TBCK: variants seen among roughly 807,000 people sequenced by gnomAD.
TBCK encodes the protein TBC1 domain containing kinase, also known as TBC domain-containing protein kinase-like protein.
Under a neutral mutation model 113.4 loss-of-function variants are expected in TBCK, and 99 were observed. The ratio of observed to expected loss-of-function variants is 0.87; its 90% CI spans 0.74 to 1.03. The LOEUF (loss-of-function observed/expected upper bound fraction) is 1.03, where lower values mean the gene tolerates loss of function less well. Ranked by LOEUF, TBCK falls within the 50% of genes least tolerant of loss-of-function variation. The probability of loss-of-function intolerance (pLI) is 0.00; values close to 1 mark genes in which losing one functional copy is unlikely to be tolerated. For synonymous variants in TBCK, 369 were observed against 370.8 expected, an observed-to-expected ratio of 1.00 and a Z score of 0.05; for missense variants, 1,045 against 1,061.3, an observed-to-expected ratio of 0.98 and a Z score of 0.21.
At chr4:106,224,140 G>A (rs2149960561) in intron 19 of TBCK, among the ~76,000 whole-genome samples, 1 of 151,906 alleles carries the variant, frequency 6.6e-6, no homozygotes, top group Non-Finnish European at 1.5e-5. Context: ...ATATCTGCAG[G>A]TAACAAGTCA....
Position 106,211,311 on chromosome 4 carries a change from C to T in TBCK, c.1860+1439G>A, listed in dbSNP as rs897019059. ...ATTGGATCTATATTGTATTATACCTCACATTTATAATGATATTATACTCCA... is the reference window on the plus strand; with the variant it reads ...ATTGGATCTATATTGTATTATACCTTACATTTATAATGATATTATACTCCA... On this transcript the variant is annotated intron_variant, in intron 20 of 25. Transcript: ENST00000394708. Among the ~76,000 whole-genome samples, 7 of 152,172 alleles carry T rather than the reference C, an allele frequency of 4.6e-5. No individual in the cohort carries two copies. The East Asian group carries it at 1.3e-3, about 29-fold the overall frequency.
chr4:106,226,986 T>C (rs1758316025), intron 19 of TBCK, among the ~76,000 whole-genome samples: 2 of 152,026 alleles, frequency 1.3e-5, no homozygotes, highest in Non-Finnish European at 2.9e-5. Context: ...AGGTAATCTA[T>C]AAGCAAAAAA....
At chr4:106,095,704 T>A in intron 24 of TBCK, 63 bp from the exon 25 acceptor site, 1 of 1,482,354 alleles carries the variant, frequency 6.7e-7, no homozygotes, top group East Asian at 2.3e-5. Context: ...TGAGGGAAAC[T>A]CACAGAGCTA....
At chr4:106,265,411 A>C (rs1762902782) in intron 3 of TBCK, among the ~76,000 whole-genome samples, 1 of 151,942 alleles carries the variant, frequency 6.6e-6, no homozygotes, top group South Asian at 2.1e-4. Context: ...TTATTTTAAG[A>C]TGTACAATTA....
intron 3 of TBCK, among the ~76,000 whole-genome samples, chr4:106,289,069 T>G (rs1765407512): frequency 6.6e-6 from 1 of 152,226 alleles, no homozygotes; most frequent in Admixed American, 6.5e-5. Flanking sequence ...GATAAAGAAT[T>G]ATCAATCTGT....
At chr4:106,137,003 T>TAGAAAAAAAGATATTAAC (rs1746635865) in intron 23 of TBCK, among the ~76,000 whole-genome samples, 1 of 140,976 alleles carries the variant, frequency 7.1e-6, no homozygotes. Flanking sequence ...CATGGTTGAT[T>TAGAAAAAAAGATATTAAC]AGAAAAAAAG....
chr4:106,177,178 C>T (rs548743324), intron 22 of TBCK, among the ~76,000 whole-genome samples: 7 of 151,854 alleles, frequency 4.6e-5, no homozygotes, highest in African/African-American at 1.4e-4. Flanking sequence ...ATCATCTACC[C>T]GTTTTTTAAA....
chr4:106,085,311 T>C (rs959532062), intron 25 of TBCK, among the ~76,000 whole-genome samples: 1 of 144,090 alleles, frequency 6.9e-6, no homozygotes, highest in African/African-American at 2.6e-5. Flanking sequence ...CAAAACGGGT[T>C]GCAATCTTAG....
rs372130940 is a variant in TBCK at position 106,149,129 on chromosome 4, T to A, written c.2235+21966A>T. Among the ~76,000 whole-genome samples the A allele has an allele frequency of 2.1e-3, 323 of 152,284 alleles. 2 individuals carry two copies. Among genetic ancestry groups the A allele is most frequent in the African/African-American group, 6.8e-3 (282 of 41,556 alleles). ...CATGGCCTTACAGAACCAAAGAGAG[T>A]TAGGGCTTTGCTCTGGATTAGGCTT... is the stretch of plus-strand genomic sequence containing the variant. On this transcript the variant is annotated intron_variant, in intron 23 of 25. Transcript: ENST00000394708.
At chr4:106,174,888 C>A (rs905222922) in intron 22 of TBCK, among the ~76,000 whole-genome samples, 12 of 151,952 alleles carry the variant, frequency 7.9e-5, no homozygotes, top group African/African-American at 2.9e-4. Context: ...TTTGGGAGGC[C>A]AAGGTAGGAG....
intron 25 of TBCK, among the ~76,000 whole-genome samples, chr4:106,074,388 A>G (rs1480388502): frequency 6.6e-6 from 1 of 152,266 alleles, no homozygotes; most frequent in Non-Finnish European, 1.5e-5. Flanking sequence ...GTATGTAAAT[A>G]AGTACTAGAA....
At chr4:106,050,158 A>T (rs1222250494) in intron 25 of TBCK, among the ~76,000 whole-genome samples, 1 of 152,072 alleles carries the variant, frequency 6.6e-6, no homozygotes, top group East Asian at 1.9e-4. Context: ...ATGATAAAAA[A>T]TTCAATTTGC....
At chr4:106,296,904 C>T (rs929208230) in intron 2 of TBCK, among the ~76,000 whole-genome samples, 1 of 152,060 alleles carries the variant, frequency 6.6e-6, no homozygotes, top group Non-Finnish European at 1.5e-5. Flanking sequence ...CAAAGAAAAG[C>T]GTATGCAAAG....
At chr4:106,092,675 G>A (rs968223092) in intron 25 of TBCK, among the ~76,000 whole-genome samples, 64 of 152,228 alleles carry the variant, frequency 4.2e-4, no homozygotes, top group African/African-American at 1.5e-3. Context: ...AGAGCCGGCC[G>A]GCTGCTCCCA....
At chr4:106,125,239 A>G (rs554071122) in intron 23 of TBCK, among the ~76,000 whole-genome samples, 1 of 152,302 alleles carries the variant, frequency 6.6e-6, no homozygotes, top group South Asian at 2.1e-4. Flanking sequence ...TACCCAAAAG[A>G]AAGGAAATGA....
chr4:106,256,251 C>A (rs994368372), intron 5 of TBCK, among the ~76,000 whole-genome samples: 2 of 152,146 alleles, frequency 1.3e-5, no homozygotes, highest in African/African-American at 4.8e-5. Context: ...CAGGGACCTG[C>A]CCCCTTCTAC....
At chr4:106,284,893 C>G (rs1764964540) in intron 3 of TBCK, among the ~76,000 whole-genome samples, 1 of 152,130 alleles carries the variant, frequency 6.6e-6, no homozygotes, top group Non-Finnish European at 1.5e-5. Flanking sequence ...ACTTCTCAGT[C>G]TCTTGAATCT....
intron 23 of TBCK, among the ~76,000 whole-genome samples, chr4:106,134,974 T>C (rs1256868286): frequency 1.3e-5 from 2 of 152,172 alleles, no homozygotes; most frequent in Non-Finnish European, 2.9e-5. Context: ...TGGTAGACTG[T>C]AGATCTTTAC....
intron 3 of TBCK, among the ~76,000 whole-genome samples, chr4:106,279,546 T>C (rs895065641): frequency 1.3e-5 from 2 of 152,102 alleles, no homozygotes; most frequent in Admixed American, 1.3e-4. Flanking sequence ...AAATACCAGA[T>C]CTTATTCATT....
Sources: gnomAD v4.1 joint callset for allele counts (sites outside exome capture counted in the v4.1 genomes callset) on GRCh38, gnomAD v4.1.1 for gene constraint, MANE v1.5 for transcripts, NCBI Gene and HGNC (gene_info 2026-07-23, HGNC 2026-07-21) for gene names.